RANBP2: variants seen among roughly 807,000 people sequenced by gnomAD.
The protein encoded by RANBP2 is E3 SUMO-protein ligase RanBP2.
RANBP2 carries 57 observed loss-of-function variants against 303.6 expected under a neutral mutation model. The observed-to-expected ratio is 0.19, with a 90% CI of 0.15 to 0.23. The LOEUF (loss-of-function observed/expected upper bound fraction) is 0.23, where lower values mean the gene tolerates loss of function less well. Among genes scored for constraint, RANBP2 ranks in the 10% least tolerant of loss-of-function variants. The pLI is 1.00. For synonymous variants in RANBP2, 1,167 were observed against 1,301.5 expected (o/e 0.90, Z 2.23); for missense variants, 3,138 against 3,780.8 (o/e 0.83, Z 4.46).
At chr2:109,078,263 AGC>A in the RANBP2 span, among the ~76,000 whole-genome samples, 324 of 44,542 alleles carry the variant, frequency 7.3e-3, 16 homozygotes, top group Non-Finnish European at 9.3e-3. Flanking sequence ...ATATATATAT[AGC>A]GCGTATATAT....
At chr2:109,179,589 T>C in the RANBP2 span, among the ~76,000 whole-genome samples, 501 of 152,356 alleles carry the variant, frequency 3.3e-3, 3 homozygotes, top group African/African-American at 0.011. Flanking sequence ...CATCTGATGA[T>C]ATCCTTCCTG....
the RANBP2 span, among the ~76,000 whole-genome samples, chr2:109,143,758 AAAACAAAAC>A: frequency 8.2e-6 from 1 of 121,518 alleles, no homozygotes; most frequent in Non-Finnish European, 2.0e-5. Flanking sequence ...TGTCTGAAAC[AAAACAAAAC>A]AAACAAACAA....
intron 17 of RANBP2, 150 bp from the exon 18 acceptor site, chr2:108,758,263 C>CTT: frequency 1.5e-6 from 2 of 1,327,634 alleles, no homozygotes; most frequent in Non-Finnish European, 2.0e-6. Flanking sequence ...TGCCATTGCA[C>CTT]TCCAGCCTGG....
At chr2:108,972,070 C>T in the RANBP2 span, among the ~76,000 whole-genome samples, 1 of 152,226 alleles carries the variant, frequency 6.6e-6, no homozygotes, top group Non-Finnish European at 1.5e-5. Context: ...GCAGCCCAGC[C>T]GACTGCAGCC....
the RANBP2 span, among the ~76,000 whole-genome samples, chr2:109,635,173 G>A: frequency 1.3e-5 from 2 of 151,626 alleles, no homozygotes. Context: ...GTATTATTTT[G>A]TTTTATTTAT....
the RANBP2 span, among the ~76,000 whole-genome samples, chr2:109,643,492 G>A: frequency 1.3e-5 from 2 of 152,196 alleles, no homozygotes; most frequent in Admixed American, 1.3e-4. Flanking sequence ...GGGCGCAGCG[G>A]CTCACACCTG....
chr2:108,738,130 C>T (rs994362578), intron 6 of RANBP2, among the ~76,000 whole-genome samples: 20 of 151,756 alleles, frequency 1.3e-4, no homozygotes, highest in African/African-American at 2.4e-4. Flanking sequence ...GGCTGGAGTG[C>T]GGTGGCGCCA....
the RANBP2 span, among the ~76,000 whole-genome samples, chr2:108,833,276 A>T: frequency 6.6e-6 from 1 of 152,226 alleles, no homozygotes; most frequent in Non-Finnish European, 1.5e-5. Flanking sequence ...CAGTGTTAAC[A>T]ACTGTAACAA....
the RANBP2 span, among the ~76,000 whole-genome samples, chr2:108,970,780 T>C: frequency 6.6e-6 from 1 of 152,198 alleles, no homozygotes; most frequent in Non-Finnish European, 1.5e-5. Context: ...TTTTACACCC[T>C]GAAGATAAGT....
chr2:109,150,970 G>T, the RANBP2 span, among the ~76,000 whole-genome samples: 14 of 152,206 alleles, frequency 9.2e-5, no homozygotes, highest in Non-Finnish European at 1.6e-4. Flanking sequence ...GGGAAGTCAG[G>T]TGGTACCTTT....
the RANBP2 span, among the ~76,000 whole-genome samples, chr2:109,440,601 A>G: frequency 6.6e-6 from 1 of 152,248 alleles, no homozygotes; most frequent in East Asian, 1.9e-4. Context: ...CCAAGTATAT[A>G]AAACAACAGT....
Position 108,763,741 on chromosome 2 carries a change from G to C in RANBP2, c.3202G>C (p.Gly1068Arg), listed in dbSNP as rs764449148. The stretch of plus-strand genomic sequence containing the variant: ...TTACAGTAACAGTGAAAGCCTTTTA[G>C]GTCTCCTGACTTCAGATAAACCCTT... ...AAYSNSESLL[G>R]LLTSDKPLQG... The change falls in exon 20 of 29, where the codon GGT (glycine) becomes CGT (arginine). Residue 1068 changes from glycine (G) to arginine (R), a missense_variant. By Grantham distance (125) the Gly-to-Arg change is moderately radical. This residue lies in a region of RANBP2 where 403 missense variants were observed against 376.7 expected (regional missense o/e 1.07). Coordinates refer to ENST00000283195, the MANE Select transcript of RANBP2 (RefSeq NM_006267.5). 2.5e-6 allele frequency: 4 copies of C among 1,614,024 alleles called. No individual in the cohort carries two copies. Among genetic ancestry groups the C allele is most frequent in the Non-Finnish European group, 3.4e-6 (4 of 1,179,972 alleles).
At chr2:109,509,470 G>A in the RANBP2 span, among the ~76,000 whole-genome samples, 3 of 152,046 alleles carry the variant, frequency 2.0e-5, no homozygotes, top group East Asian at 1.9e-4. Flanking sequence ...CTTGCACACC[G>A]CCGTCTCCTC....
the RANBP2 span, among the ~76,000 whole-genome samples, chr2:109,409,012 G>C: frequency 6.0e-3 from 910 of 152,292 alleles, 11 homozygotes; most frequent in African/African-American, 0.021. Flanking sequence ...GGGAAGCCCC[G>C]GGTAGGCGAG....
chr2:109,078,225 CGTGTATATATATATATAGCGTGT>C, the RANBP2 span, among the ~76,000 whole-genome samples: 8,871 of 51,340 alleles, frequency 0.17, 1,185 homozygotes, highest in African/African-American at 0.23. Context: ...ATATATATAG[CGTGTATATATATATATAGCGTGT>C]ATATATATAT....
At chr2:109,650,861 C>T in the RANBP2 span, among the ~76,000 whole-genome samples, 1,394 of 152,176 alleles carry the variant, frequency 9.2e-3, 55 homozygotes, top group East Asian at 0.12. Flanking sequence ...ATAAATTACC[C>T]GGTCTTGGGT....
chr2:108,747,772 A>C (rs1246527876), intron 8 of RANBP2, among the ~76,000 whole-genome samples: 3 of 152,116 alleles, frequency 2.0e-5, no homozygotes, highest in Admixed American at 6.5e-5. Context: ...AATTAACTCG[A>C]AGGAGGGTTT....
chr2:108,749,407 G>A (rs3954207), intron 9 of RANBP2, among the ~76,000 whole-genome samples: 2 of 152,136 alleles, frequency 1.3e-5, no homozygotes, highest in Admixed American at 6.5e-5. Context: ...AAGTGATTCT[G>A]CTGCCTCAGT....
the RANBP2 span, chr2:109,129,786 G>A: frequency 6.5e-7 from 1 of 1,539,310 alleles, no homozygotes; most frequent in South Asian, 1.2e-5. Context: ...GCCGCTGCCT[G>A]GAGAGCATCG....
Sources: gnomAD v4.1 joint callset for allele counts (sites outside exome capture counted in the v4.1 genomes callset) on GRCh38, gnomAD v4.1.1 for gene constraint, gnomAD v4.1.1 regional missense constraint, MANE v1.5 for transcripts, NCBI Gene and HGNC (gene_info 2026-07-23, HGNC 2026-07-21) for gene names.